CTNNA3: variants seen among roughly 807,000 people sequenced by gnomAD.
CTNNA3 encodes the protein catenin alpha-3.
CTNNA3 carries 76 observed loss-of-function variants against 95.7 expected under a neutral mutation model. The observed-to-expected ratio is 0.79, with a 90% confidence interval of 0.66 to 0.96. The LOEUF (loss-of-function observed/expected upper bound fraction) is 0.96, where lower values mean the gene tolerates loss of function less well. CTNNA3 is among the 40% of genes least tolerant of loss of function. CTNNA3 has a pLI of 0.00. For missense variants in CTNNA3, 1,191 were observed against 1,089.8 expected (o/e 1.09, Z -1.31); for synonymous variants, 431 against 374.4 (o/e 1.15, Z -1.74).
intron 7 of CTNNA3, among the ~76,000 whole-genome samples, chr10:67,075,064 C>A (rs1856676807): frequency 6.6e-6 from 1 of 151,762 alleles, no homozygotes; most frequent in Non-Finnish European, 1.5e-5. Context: ...AAGTTTGTTT[C>A]CTAGAGCTGT....
chr10:67,507,641 C>G (rs572418488), intron 5 of CTNNA3, among the ~76,000 whole-genome samples: 81 of 151,938 alleles, frequency 5.3e-4, no homozygotes, highest in African/African-American at 1.7e-3. Flanking sequence ...CTGCTGAATT[C>G]AACTAAAATT....
chr10:67,493,550 A>G (rs1200558759), intron 5 of CTNNA3, among the ~76,000 whole-genome samples: 2 of 144,004 alleles, frequency 1.4e-5, no homozygotes, highest in African/African-American at 5.6e-5. Flanking sequence ...TGACAGAGCG[A>G]GACTCTGTCT....
chr10:67,295,633 T>G (rs1319032622), intron 5 of CTNNA3, among the ~76,000 whole-genome samples: 1 of 152,218 alleles, frequency 6.6e-6, no homozygotes, highest in Non-Finnish European at 1.5e-5. Flanking sequence ...AGTTCTAATG[T>G]ACCCAGCCAC....
chr10:67,264,140 G>C (rs1866724175), intron 5 of CTNNA3, among the ~76,000 whole-genome samples: 1 of 152,068 alleles, frequency 6.6e-6, no homozygotes, highest in Non-Finnish European at 1.5e-5. Flanking sequence ...TGATGGGTTA[G>C]GGACTTGACA....
intron 5 of CTNNA3, among the ~76,000 whole-genome samples, chr10:67,480,739 G>A (rs1474499518): frequency 6.6e-6 from 1 of 152,096 alleles, no homozygotes; most frequent in Non-Finnish European, 1.5e-5. Context: ...CTCTGTTTGA[G>A]GCTCTCAGCT....
intron 9 of CTNNA3, among the ~76,000 whole-genome samples, chr10:66,629,985 G>A (rs1439637154): frequency 6.6e-6 from 1 of 152,080 alleles, no homozygotes; most frequent in African/African-American, 2.4e-5. Flanking sequence ...TTTTCCTTCA[G>A]AGCATGATTC....
chr10:66,324,259 C>T (rs1328714665), intron 12 of CTNNA3, among the ~76,000 whole-genome samples: 1 of 151,910 alleles, frequency 6.6e-6, no homozygotes, highest in African/African-American at 2.4e-5. Context: ...GGCGGAGATT[C>T]CAGTGAACTG....
chr10:67,596,998 T>A (rs992010647), intron 3 of CTNNA3, among the ~76,000 whole-genome samples: 1 of 152,232 alleles, frequency 6.6e-6, no homozygotes, highest in African/African-American at 2.4e-5. Context: ...ACTGAGTTGT[T>A]TCAAAGAACC....
intron 5 of CTNNA3, among the ~76,000 whole-genome samples, chr10:67,238,107 G>A (rs929956723): frequency 1.8e-4 from 28 of 152,076 alleles, no homozygotes; most frequent in South Asian, 2.1e-4. Flanking sequence ...GAATGTACTT[G>A]GAAGAAAAAG....
intron 12 of CTNNA3, among the ~76,000 whole-genome samples, chr10:66,367,143 C>A (rs2092715967): frequency 6.6e-6 from 1 of 152,106 alleles, no homozygotes; most frequent in Non-Finnish European, 1.5e-5. Context: ...GGATATACGT[C>A]CCACTGATCA....
intron 7 of CTNNA3, among the ~76,000 whole-genome samples, chr10:66,907,895 G>C (rs1337422056): frequency 6.6e-6 from 1 of 152,074 alleles, no homozygotes; most frequent in African/African-American, 2.4e-5. Context: ...CATAGGAACT[G>C]ACCAAAAAAA....
intron 11 of CTNNA3, among the ~76,000 whole-genome samples, chr10:66,393,975 G>A (rs2092954353): frequency 6.6e-6 from 1 of 151,908 alleles, no homozygotes; most frequent in Non-Finnish European, 1.5e-5. Flanking sequence ...ATATTATTCA[G>A]CTATTCCAAA....
intron 9 of CTNNA3, among the ~76,000 whole-genome samples, chr10:66,685,323 GTGTATATATA>G (rs1450013450): frequency 2.9e-4 from 10 of 34,868 alleles, no homozygotes; most frequent in African/African-American, 6.6e-4. Flanking sequence ...GTGTGTATGT[GTGTATATATA>G]TATATATATA....
chr10:67,327,329 G>A (rs1469436067), intron 5 of CTNNA3, among the ~76,000 whole-genome samples: 1 of 152,152 alleles, frequency 6.6e-6, no homozygotes, highest in Non-Finnish European at 1.5e-5. Context: ...GGGTTCTTGT[G>A]CTGATTCCTT....
chr10:66,281,270 A>G (rs2091487102), intron 12 of CTNNA3, among the ~76,000 whole-genome samples: 1 of 151,952 alleles, frequency 6.6e-6, no homozygotes, highest in South Asian at 2.1e-4. Context: ...TCCATGGATT[A>G]TCTTTTTAAA....
chr10:66,607,885 C>T (rs1384256318), intron 10 of CTNNA3, among the ~76,000 whole-genome samples: 1 of 152,106 alleles, frequency 6.6e-6, no homozygotes, highest in African/African-American at 2.4e-5. Flanking sequence ...TGAAAACCAG[C>T]ACAAGATAAG....
At position 66,470,972 on chromosome 10, in the gene CTNNA3, G is replaced by A. The variant is rs72791568; in HGVS notation, c.1531+49645C>T. Among the ~76,000 whole-genome samples the A allele has an allele frequency of 7.8e-3, 1,188 of 151,924 alleles. 12 individuals carry two copies. Among genetic ancestry groups the A allele is most frequent in the Middle Eastern group, 0.027 (8 of 294 alleles). On this transcript the variant is annotated intron_variant, in intron 11 of 17. Coordinates refer to ENST00000433211, the MANE Select transcript of CTNNA3 (RefSeq NM_013266.4). ...ACTTAACTTTTACCAGCTTAAAATG[G>A]ATTGTTTGTTATTCTTCCATCTGAA...
chr10:67,620,471 T>A (rs1843792158), intron 2 of CTNNA3, among the ~76,000 whole-genome samples: 1 of 152,192 alleles, frequency 6.6e-6, no homozygotes, highest in Non-Finnish European at 1.5e-5. Flanking sequence ...ACTGAGCATT[T>A]ACCAAAAGGG....
intron 10 of CTNNA3, among the ~76,000 whole-genome samples, chr10:66,584,383 T>G (rs1843292267): frequency 6.6e-6 from 1 of 151,978 alleles, no homozygotes; most frequent in Non-Finnish European, 1.5e-5. Flanking sequence ...CATATAAATT[T>G]AGACATGTTA....
Sources: allele counts gnomAD v4.1 joint callset (sites outside exome capture counted in the v4.1 genomes callset), GRCh38; gene constraint gnomAD v4.1.1; transcripts MANE v1.5; gene names NCBI Gene and HGNC (gene_info 2026-07-23, HGNC 2026-07-21).